Variants in FAM220A observed in about 807,000 individuals in gnomAD.
FAM220A encodes family with sequence similarity 220 member A, also known as protein FAM220A.
For missense variants in FAM220A, 392 were observed against 321.6 expected, an observed-to-expected ratio of 1.22 and a Z score of -1.68; for synonymous variants, 141 against 130.7, an observed-to-expected ratio of 1.08 and a Z score of -0.54.
chr7:6,347,042 T>C (rs1205976361), intron 1 of FAM220A, among the ~76,000 whole-genome samples: 9 of 152,212 alleles, frequency 5.9e-5, no homozygotes, highest in Non-Finnish European at 2.9e-5. Flanking sequence ...AAAAGTCATC[T>C]GAGGCTGGGC....
chr7:6,337,747 A>G (rs900018416), intron 1 of FAM220A, among the ~76,000 whole-genome samples: 9 of 151,738 alleles, frequency 5.9e-5, no homozygotes, highest in Admixed American at 1.3e-4. Context: ...GTACTTTAGT[A>G]TTCAGTAATA....
intron 1 of FAM220A, among the ~76,000 whole-genome samples, chr7:6,333,723 G>T (rs899310893): frequency 6.6e-6 from 1 of 151,372 alleles, no homozygotes; most frequent in South Asian, 2.1e-4. Context: ...AGTGAGAAAG[G>T]AAAGTGCACT....
intron 1 of FAM220A, among the ~76,000 whole-genome samples, chr7:6,338,024 G>C (rs576313627): frequency 1.3e-5 from 2 of 151,014 alleles, no homozygotes; most frequent in Non-Finnish European, 2.9e-5. Context: ...GGCTGCTCTC[G>C]AACTCCTGAC....
rs578001694 is a variant in FAM220A at position 6,338,259 on chromosome 7, T to C, written c.-81-7024A>G. Among the ~76,000 whole-genome samples the C allele has an allele frequency of 1.8e-4, 27 of 152,328 alleles. No individual in the cohort carries two copies. The East Asian group carries it at 5.2e-3, about 29-fold the overall frequency. On this transcript the variant is annotated intron_variant, in intron 1 of 1. Coordinates refer to ENST00000313324, the MANE Select transcript of FAM220A (RefSeq NM_001037163.2). ...GCATATTTAAGTCATTTATGAGTTT[T>C]TTCATAGTTTTTTCTCAGTATGCTA...
chr7:6,331,267 A>G (rs1157805897), intron 1 of FAM220A, 32 bp from the exon 2 acceptor site: 3 of 1,032,442 alleles, frequency 2.9e-6, no homozygotes, highest in Non-Finnish European at 4.2e-6. Flanking sequence ...AAGTTCTAAA[A>G]TGAAGACACA....
intron 1 of FAM220A, among the ~76,000 whole-genome samples, chr7:6,346,164 A>G (rs888323099): frequency 6.6e-6 from 1 of 151,872 alleles, no homozygotes; most frequent in African/African-American, 2.4e-5. Context: ...CTGGGCCCCT[A>G]TTTTCGAAGG....
intron 1 of FAM220A, among the ~76,000 whole-genome samples, chr7:6,336,535 G>C (rs970686741): frequency 7.9e-5 from 12 of 151,814 alleles, no homozygotes; most frequent in African/African-American, 2.9e-4. Flanking sequence ...ACAAAAATTA[G>C]CTGGGTATGG....
intron 1 of FAM220A, among the ~76,000 whole-genome samples, chr7:6,334,131 C>T (rs553251904): frequency 1.3e-5 from 2 of 151,356 alleles, no homozygotes; most frequent in South Asian, 4.2e-4. Flanking sequence ...CAAGCGTGAG[C>T]CACCGCACCC....
rs372340570 is a variant in FAM220A, at chr7:6,330,547, A to G, written c.608T>C (p.Leu203Pro). 39 of 1,614,020 alleles carry G rather than the reference A, an allele frequency of 2.4e-5. No individual in the cohort carries two copies. Among genetic ancestry groups the G allele is most frequent in the Non-Finnish European group, 3.2e-5 (38 of 1,180,036 alleles). ...AATGCGTTTTGTCTCCTCACTCAGG[A>G]GCACTTCGGGATACACGTGCAGCGT... is the stretch of plus-strand genomic sequence containing the variant. ...SATLHVYPEV[L>P]LSEETKRIFL... Residue 203 changes from leucine (L) to proline (P), a missense_variant, in exon 2 of 2, where the codon CTC (leucine) becomes CCC (proline). Physicochemically the swap from Leu to Pro is moderately conservative, Grantham distance 98 (BLOSUM62 -3). Coordinates refer to ENST00000313324, the MANE Select transcript of FAM220A (RefSeq NM_001037163.2).
At chr7:6,348,477 G>C (rs969445223) in intron 1 of FAM220A, 96 bp downstream of exon 1, 2 of 408,140 alleles carry the variant, frequency 4.9e-6, no homozygotes, top group Non-Finnish European at 8.7e-6. Context: ...CATACACTCA[G>C]CTTCTAGGCA....
chr7:6,345,352 T>C (rs1303010188), intron 1 of FAM220A, among the ~76,000 whole-genome samples: 1 of 151,726 alleles, frequency 6.6e-6, no homozygotes, highest in Non-Finnish European at 1.5e-5. Context: ...TGGGCTCAAG[T>C]GATCCTCCCA....
chr7:6,334,118 T>C (rs555503814), intron 1 of FAM220A, among the ~76,000 whole-genome samples: 12 of 150,986 alleles, frequency 7.9e-5, no homozygotes, highest in African/African-American at 1.5e-4. Flanking sequence ...AGTGCTGGGA[T>C]TACAAGCGTG....
chr7:6,343,103 G>A (rs1364010502), intron 1 of FAM220A, among the ~76,000 whole-genome samples: 1 of 151,296 alleles, frequency 6.6e-6, no homozygotes, highest in African/African-American at 2.4e-5. Context: ...TTGGCCAGGT[G>A]CAGTGGCTTA....
chr7:6,346,918 G>A (rs1426923665), intron 1 of FAM220A, among the ~76,000 whole-genome samples: 1 of 152,172 alleles, frequency 6.6e-6, no homozygotes, highest in Admixed American at 6.6e-5. Flanking sequence ...CTCCCCAAAG[G>A]AGGGTCCCTC....
In FAM220A at chr7:6,329,507, C is replaced by T. The variant is rs544531838; in HGVS notation, c.*868G>A. ...CATGGCATAGTAATTCAGCACACAG[C>T]ATAAACTGATATATGCAATCGATAA... is the stretch of plus-strand genomic sequence containing the variant. On this transcript the variant is annotated 3_prime_UTR_variant, in exon 2 of 2. Coordinates refer to ENST00000313324, the MANE Select transcript of FAM220A (RefSeq NM_001037163.2). The T allele has an allele frequency of 6.5e-6, 1 of 152,864 alleles. No homozygotes were observed. Among genetic ancestry groups the T allele is most frequent in the South Asian group, 2.1e-4 (1 of 4,826 alleles). 9.5% of individuals were successfully genotyped at this position (152,864 alleles called of 1,614,324 possible).
Position 6,331,072 on chromosome 7 carries a change from C to G in FAM220A, c.83G>C (p.Cys28Ser), listed in dbSNP as rs777886778. 1.2e-6 allele frequency: 2 copies of G among 1,613,650 alleles called. No homozygotes were observed. The highest frequency in any genetic ancestry group is 1.7e-6 in the Non-Finnish European group (2 of 1,180,038). The change falls in exon 2 of 2, where the codon TGC becomes TCC. Residue 28 changes from cysteine (C) to serine (S), a missense_variant. Cys to Ser is a moderately radical substitution (Grantham distance 112). Transcript: ENST00000313324. ...CTCCGGCATTCTTTTCTTAAGGCTGCATGATAGTTTGTCCGAGTCACCTCC... is the reference window on the plus strand; with the variant it reads ...CTCCGGCATTCTTTTCTTAAGGCTGGATGATAGTTTGTCCGAGTCACCTCC... ...AGGGDSDKLS[C>S]SLKKRMPEGP... is the part of the protein sequence containing the mutation.
At chr7:6,331,320 A>C in intron 1 of FAM220A, 85 bp from the exon 2 acceptor site, 1 of 672,678 alleles carries the variant, frequency 1.5e-6, no homozygotes, top group Non-Finnish European at 2.5e-6. Flanking sequence ...TTTCCTAACA[A>C]ACACTGAGAT....
At chr7:6,341,123 G>A (rs1362999501) in intron 1 of FAM220A, among the ~76,000 whole-genome samples, 1 of 146,742 alleles carries the variant, frequency 6.8e-6, no homozygotes, top group South Asian at 2.2e-4. Context: ...CAGCCTGGGC[G>A]ACACAGCAAG....
intron 1 of FAM220A, among the ~76,000 whole-genome samples, chr7:6,342,719 GA>G (rs2115146413): frequency 6.6e-6 from 1 of 152,050 alleles, no homozygotes; most frequent in South Asian, 2.1e-4. Flanking sequence ...GTCCAACATA[GA>G]AAGACATAAA....
Sources: allele counts gnomAD v4.1 joint callset (sites outside exome capture counted in the v4.1 genomes callset), GRCh38; gene constraint gnomAD v4.1.1; transcripts MANE v1.5; gene names NCBI Gene and HGNC (gene_info 2026-07-23, HGNC 2026-07-21).